Variants in NVL observed in about 807,000 individuals in gnomAD.
The protein encoded by NVL is nuclear valosin-containing protein-like.
A neutral mutation model predicts 110.2 loss-of-function variants in NVL; 84 were observed. That is an observed-to-expected ratio of 0.76 (90% CI 0.64 to 0.91). The LOEUF (loss-of-function observed/expected upper bound fraction) is 0.91, where lower values mean the gene tolerates loss of function less well. Ranked by LOEUF, NVL falls within the 40% of genes least tolerant of loss-of-function variation. The probability of loss-of-function intolerance (pLI) is 0.00; values close to 1 mark genes in which losing one functional copy is unlikely to be tolerated. For synonymous variants in NVL, 354 were observed against 361.1 expected, an observed-to-expected ratio of 0.98 and a Z score of 0.22; for missense variants, 882 against 1,035.9, an observed-to-expected ratio of 0.85 and a Z score of 2.04.
intron 19 of NVL, among the ~76,000 whole-genome samples, chr1:224,241,024 G>A (rs1661140608): frequency 1.3e-5 from 2 of 151,470 alleles, no homozygotes; most frequent in African/African-American, 4.9e-5. Flanking sequence ...CTCCTGACCT[G>A]GTGATCCACC....
chr1:224,228,462 G>A (rs1371509434), intron 22 of NVL, among the ~76,000 whole-genome samples: 3 of 151,572 alleles, frequency 2.0e-5, no homozygotes, highest in South Asian at 2.1e-4. Context: ...GCACCACTAC[G>A]CCCGGCAAAT....
intron 2 of NVL, among the ~76,000 whole-genome samples, chr1:224,320,913 A>G (rs1670580521): frequency 6.6e-6 from 1 of 152,176 alleles, no homozygotes; most frequent in Non-Finnish European, 1.5e-5. Flanking sequence ...CAAAACACAA[A>G]GTTTTAGATG....
chr1:224,327,716 T>C (rs1431699082), intron 1 of NVL, among the ~76,000 whole-genome samples: 2 of 151,372 alleles, frequency 1.3e-5, no homozygotes, highest in African/African-American at 2.4e-5. Flanking sequence ...GTGAAAGCTA[T>C]AGAGGAAAAC....
intron 20 of NVL, among the ~76,000 whole-genome samples, chr1:224,234,975 AT>A (rs921394091): frequency 6.6e-6 from 1 of 151,572 alleles, no homozygotes; most frequent in Non-Finnish European, 1.5e-5. Context: ...TATTATTATT[AT>A]TTTTTTTGTA....
chr1:224,293,065 G>C (rs1667527460), intron 12 of NVL, among the ~76,000 whole-genome samples: 1 of 144,712 alleles, frequency 6.9e-6, no homozygotes, highest in Non-Finnish European at 1.5e-5. Flanking sequence ...TAATATTTCA[G>C]AACAATTTTT....
In NVL at chr1:224,318,809, T is replaced by C. The variant is rs930935423; in HGVS notation, c.132-879A>G. ...CCAGCCTGGCTAACACGGTGAAACC[T>C]CGTCTCTTCTAAAAATAAAAAAAAA... is the stretch of plus-strand genomic sequence containing the variant. On this transcript the variant is annotated intron_variant, in intron 2 of 22. Transcript: ENST00000281701. 8.7e-5 allele frequency among the ~76,000 whole-genome samples: 13 copies of C among 149,660 alleles called. 1 individual carries two copies.
chr1:224,270,793 C>A (rs1405677210), intron 17 of NVL, among the ~76,000 whole-genome samples: 1 of 152,024 alleles, frequency 6.6e-6, no homozygotes, highest in Non-Finnish European at 1.5e-5. Flanking sequence ...TAATCAGGGA[C>A]ATGTATACTA....
chr1:224,303,568 A>G (rs542088394), intron 9 of NVL, among the ~76,000 whole-genome samples, 155 bp downstream of exon 9: 2 of 152,354 alleles, frequency 1.3e-5, no homozygotes, highest in South Asian at 4.1e-4. Flanking sequence ...AAATTCCACA[A>G]ATAATACCAG....
chr1:224,267,981 G>T, intron 18 of NVL, 53 bp downstream of exon 18: 1 of 1,236,262 alleles, frequency 8.1e-7, no homozygotes, highest in Non-Finnish European at 1.2e-6. Context: ...CTCTTCTACG[G>T]AAATGCTGTA....
chr1:224,309,205 A>G (rs1020336647), intron 5 of NVL, among the ~76,000 whole-genome samples: 1 of 152,166 alleles, frequency 6.6e-6, no homozygotes, highest in African/African-American at 2.4e-5. Context: ...TGCCAATGAG[A>G]GTCACTGTTA....
rs1558234307 is a variant in NVL, at chr1:224,236,508, A to G, written c.2364T>C (p.Tyr788=). 6.2e-7 allele frequency: 1 copy of G among 1,611,912 alleles called. No homozygotes were observed. The highest frequency in any genetic ancestry group is 1.1e-5 in the South Asian group (1 of 91,038). Residue 788 remains tyrosine (Y), a splice_region_variant and synonymous_variant, in exon 20 of 23, where the codon TAT becomes TAC. Coordinates refer to ENST00000281701, the MANE Select transcript of NVL (RefSeq NM_002533.4). ...AIAGDLRCDC[Y]TGADLSALVR... is the part of the protein sequence containing the mutation. ...TGACTTAAGATTTAAACACTTACGT[A>G]TAGCAATCACAGCGAAGGTCACCAG...
chr1:224,324,745 T>A (rs532184498), intron 2 of NVL, among the ~76,000 whole-genome samples: 2 of 152,272 alleles, frequency 1.3e-5, no homozygotes, highest in East Asian at 3.9e-4. Context: ...GATATTGAGA[T>A]GAGAGTTTGG....
intron 2 of NVL, among the ~76,000 whole-genome samples, chr1:224,325,328 TAGGGAGGCGA>T (rs1671041322): frequency 6.6e-6 from 1 of 150,726 alleles, no homozygotes; most frequent in African/African-American, 2.4e-5. Context: ...TCCTAGCACT[TAGGGAGGCGA>T]AGGTGGAAGG....
chr1:224,290,517 C>T (rs1667265608), intron 12 of NVL, among the ~76,000 whole-genome samples: 1 of 151,858 alleles, frequency 6.6e-6, no homozygotes, highest in South Asian at 2.1e-4. Context: ...ATTAGCTGGG[C>T]ATGGCCAGGC....
At chr1:224,262,803 A>G (rs1664121221) in intron 18 of NVL, among the ~76,000 whole-genome samples, 1 of 152,246 alleles carries the variant, frequency 6.6e-6, no homozygotes, top group South Asian at 2.1e-4. Context: ...TATATGAGAA[A>G]GGAAACCTAA....
At chr1:224,311,510 A>G (rs7531894) in intron 5 of NVL, among the ~76,000 whole-genome samples, 140,914 of 152,170 alleles carry the variant, frequency 0.93, 66,122 homozygotes, top group East Asian at 1. Context: ...CTGGGACCAC[A>G]GGTGCATGCC....
At chr1:224,266,056 G>A (rs1664469845) in intron 18 of NVL, among the ~76,000 whole-genome samples, 1 of 152,170 alleles carries the variant, frequency 6.6e-6, no homozygotes, top group Admixed American at 6.6e-5. Flanking sequence ...CAATTAAACA[G>A]ATAATAATTT....
intron 10 of NVL, 97 bp from the exon 11 acceptor site, chr1:224,296,715 A>G (rs1667918379): frequency 4.0e-6 from 3 of 746,260 alleles, no homozygotes; most frequent in African/African-American, 1.8e-5. Context: ...CTTCAAGGTC[A>G]AGGATCATTT....
chr1:224,323,777 C>T (rs775248607), intron 2 of NVL, among the ~76,000 whole-genome samples: 3 of 152,212 alleles, frequency 2.0e-5, no homozygotes, highest in African/African-American at 4.8e-5. Context: ...GCAGGATCAC[C>T]ACCCTACGGA....
Sources: allele counts gnomAD v4.1 joint callset (sites outside exome capture counted in the v4.1 genomes callset), GRCh38; gene constraint gnomAD v4.1.1; transcripts MANE v1.5; gene names NCBI Gene and HGNC (gene_info 2026-07-23, HGNC 2026-07-21).